Variants in KBTBD8 observed in about 807,000 individuals in gnomAD.
KBTBD8 encodes the protein kelch repeat and BTB domain containing 8.
In KBTBD8, 31 loss-of-function variants were observed where a neutral mutation model predicts 53.5. The observed-to-expected ratio is 0.58, with a 90% CI of 0.44 to 0.78. KBTBD8 has a LOEUF of 0.78. Ranked by LOEUF, KBTBD8 falls within the 30% of genes least tolerant of loss-of-function variation. The probability of loss-of-function intolerance (pLI) is 0.00; values close to 1 mark genes in which losing one functional copy is unlikely to be tolerated. For synonymous variants in KBTBD8, 250 were observed against 247.3 expected (o/e 1.01, Z -0.10); for missense variants, 642 against 735.8 (o/e 0.87, Z 1.48).
chr3:67,000,453 C>A (rs1702007115), intron 2 of KBTBD8, among the ~76,000 whole-genome samples: 1 of 152,170 alleles, frequency 6.6e-6, no homozygotes, highest in African/African-American at 2.4e-5. Context: ...CTAGGCTAAG[C>A]TTACTTTACA....
intron 2 of KBTBD8, among the ~76,000 whole-genome samples, chr3:66,999,808 A>C (rs978294388): frequency 6.6e-6 from 1 of 152,242 alleles, no homozygotes; most frequent in Non-Finnish European, 1.5e-5. Context: ...AGCAAGAATG[A>C]ATATAGTTTC....
chr3:67,004,276 G>T lies in KBTBD8; in HGVS notation c.1309G>T (p.Val437Leu), dbSNP rs1176459907. ...MPVAMEFHNA[V>L]EYKEKIYVLQ... Reference sequence around the variant, plus strand: ...AGTTGCAATGGAATTTCATAATGCTGTGGAGTACAAAGAGAAGATCTATGT... The same window carrying T: ...AGTTGCAATGGAATTTCATAATGCTTTGGAGTACAAAGAGAAGATCTATGT... The change falls in exon 3 of 4, where the codon GTG (valine) becomes TTG (leucine). Residue 437 changes from valine (V) to leucine (L), a missense_variant. Transcript: ENST00000417314. The T allele has an allele frequency of 6.2e-7, 1 of 1,614,158 alleles. No homozygotes were observed. The highest frequency in any genetic ancestry group is 1.7e-5 in the Admixed American group (1 of 60,038).
chr3:67,007,478 C>G (rs1244546102), intron 3 of KBTBD8, among the ~76,000 whole-genome samples: 1 of 152,036 alleles, frequency 6.6e-6, no homozygotes, highest in Non-Finnish European at 1.5e-5. Flanking sequence ...GCCACCACAC[C>G]TGGCTAATTT....
intron 2 of KBTBD8, 111 bp downstream of exon 2, chr3:66,999,302 A>C (rs1213858889): frequency 3.4e-6 from 3 of 883,938 alleles, no homozygotes; most frequent in Non-Finnish European, 5.5e-6. Context: ...GAAACCAATG[A>C]CTTTGTTTCT....
intron 2 of KBTBD8, among the ~76,000 whole-genome samples, chr3:67,002,506 G>A (rs1213650054): frequency 7.3e-6 from 1 of 137,268 alleles, no homozygotes; most frequent in African/African-American, 2.7e-5. Context: ...TACCTTTATA[G>A]GTATTCTTTT....
At chr3:67,004,449 T>C in intron 3 of KBTBD8, 140 bp downstream of exon 3, 1 of 776,398 alleles carries the variant, frequency 1.3e-6, no homozygotes. Context: ...AACAGTCTGT[T>C]CTGTAAAGAG....
intron 1 of KBTBD8, among the ~76,000 whole-genome samples, chr3:66,998,692 G>GAC (rs1329641810): frequency 1.3e-5 from 2 of 152,172 alleles, no homozygotes; most frequent in Non-Finnish European, 2.9e-5. Context: ...AGTCCGCGCA[G>GAC]ACGCCTCTCC....
rs745851454 is a variant in KBTBD8 at position 67,008,436 on chromosome 3, G to GTCTT, written c.*53_*56dup. 9 of 1,283,602 alleles carry GTCTT rather than the reference G, an allele frequency of 7.0e-6. No homozygotes were observed. The highest frequency in any genetic ancestry group is 9.8e-6 in the Non-Finnish European group (9 of 917,586). 79.5% of individuals were successfully genotyped at this position (1,283,602 alleles called of 1,614,324 possible). A position where few individuals can be genotyped will look rare whatever the true frequency, so the allele number is the denominator to read the frequency against. Reference sequence around the variant, plus strand: ...CTGGCATCTCATTCTTAGGAAACTTGTCTTTGATACAAAAGAGTGCTGACA... The same window carrying GTCTT: ...CTGGCATCTCATTCTTAGGAAACTTGTCTTTCTTTGATACAAAAGAGTGCTGACA... On this transcript the variant is annotated 3_prime_UTR_variant, in exon 4 of 4. Transcript: ENST00000417314.
rs749137150 is a variant in KBTBD8, at chr3:66,999,038, A to G, written c.74A>G (p.Asp25Gly). Reference protein sequence around the residue: ...NGIPSSDPASDAMDPFHACSI... With the variant: ...NGIPSSDPASGAMDPFHACSI... ...ATTCCATCTTCAGACCCAGCCAGCG[A>G]TGCCATGGACCCCTTCCATGCTTGC... The change falls in exon 2 of 4, where the codon GAT becomes GGT. Residue 25 changes from aspartate (D) to glycine (G), a missense_variant. Physicochemically the swap from Asp to Gly is moderately conservative, Grantham distance 94 (BLOSUM62 -1). Transcript: ENST00000417314. The G allele has an allele frequency of 1.9e-6, 3 of 1,614,060 alleles. No homozygotes were observed. The highest frequency in any genetic ancestry group is 2.5e-6 in the Non-Finnish European group (3 of 1,180,016).
At chr3:66,998,680 G>A (rs1168771975) in intron 1 of KBTBD8, among the ~76,000 whole-genome samples, 1 of 152,102 alleles carries the variant, frequency 6.6e-6, no homozygotes, top group Non-Finnish European at 1.5e-5. Flanking sequence ...GGCTCTCGGC[G>A]GAGTCCGCGC....
rs769902435 is a variant in KBTBD8 at position 67,003,958 on chromosome 3, G to A, written c.991G>A (p.Val331Ile). 4 of 1,614,106 alleles carry A rather than the reference G, an allele frequency of 2.5e-6. No individual in the cohort carries two copies. Among genetic ancestry groups the A allele is most frequent in the Non-Finnish European group, 3.4e-6 (4 of 1,180,018 alleles). Residue 331 changes from valine to isoleucine, a missense_variant, in exon 3 of 4, where the codon GTA becomes ATA. Transcript: ENST00000417314. ...PNDLREVGIL[V>I]SPDNDIYIAG... ...TGACCTGAGAGAAGTTGGGATTCTT[G>A]TATCACCAGATAATGACATTTACAT...
chr3:67,002,660 G>C (rs1280268709), intron 2 of KBTBD8, among the ~76,000 whole-genome samples: 1 of 151,584 alleles, frequency 6.6e-6, no homozygotes. Flanking sequence ...GTGCCACCAC[G>C]CCCAGCTAAT....
At position 67,008,236 on chromosome 3, in the gene KBTBD8, A is replaced by C; in HGVS notation, c.1657A>C (p.Ser553Arg). The C allele has an allele frequency of 6.2e-7, 1 of 1,614,134 alleles. No homozygotes were observed. The highest frequency in any genetic ancestry group is 8.5e-7 in the Non-Finnish European group (1 of 1,180,026). ...TGTTGAAGAACACGTCTTCAGAACC[A>C]GCAGAAAAAATTCCCTTTACCAATA... ...VTVEEHVFRT[S>R]RKNSLYQYDD... is the part of the protein sequence containing the mutation. Residue 553 changes from serine to arginine, a missense_variant, in exon 4 of 4, where the codon AGC becomes CGC. By Grantham distance (110) the Ser-to-Arg change is moderately radical. Transcript: ENST00000417314.
chr3:67,008,061 A>G lies in KBTBD8; in HGVS notation c.1482A>G (p.Gln494=), dbSNP rs951097655. 7 of 1,613,974 alleles carry G rather than the reference A, an allele frequency of 4.3e-6. No homozygotes were observed. Among genetic ancestry groups the G allele is most frequent in the Middle Eastern group, 1.6e-4 (1 of 6,082 alleles). Residue 494 remains glutamine (Q), a synonymous_variant, in exon 4 of 4, where the codon CAA becomes CAG. Transcript: ENST00000417314. ...TAGCTGGAACCTGTGGAAATCATCA[A>G]CGTATGTTTACTGTAGAAGCCTATG... ...YYIAGTCGNH[Q]RMFTVEAYDI... is the part of the protein sequence containing the mutation.
rs762259585 is a variant in KBTBD8, at chr3:67,003,343, G to T, written c.376G>T (p.Ala126Ser). The change falls in exon 3 of 4, where the codon GCA becomes TCA. Residue 126 changes from alanine to serine, a missense_variant. By Grantham distance (99) the Ala-to-Ser change is moderately conservative. Transcript: ENST00000417314. ...GGCCAATGTTCAAGCCTTGTTCACT[G>T]CAGCTAGCATCTTCCAGATTCCTTC... is the stretch of plus-strand genomic sequence containing the variant. The part of the protein sequence containing the change: ...TEANVQALFT[A>S]ASIFQIPSIQ... 3.1e-6 allele frequency: 5 copies of T among 1,614,184 alleles called. No individual in the cohort carries two copies. Among genetic ancestry groups the T allele is most frequent in the Non-Finnish European group, 2.5e-6 (3 of 1,180,034 alleles).
rs1323309165 is a variant in KBTBD8 at position 67,003,243 on chromosome 3, A to C, written c.276A>C (p.Arg92=). The change falls in exon 3 of 4, where the codon CGA becomes CGC. Residue 92 remains arginine (R), a synonymous_variant. Coordinates refer to ENST00000417314, the MANE Select transcript of KBTBD8 (RefSeq NM_032505.3). ...GLTESTQKEV[R]IVGVEAESMD... ...CAGAAAGTACTCAAAAAGAAGTTCG[A>C]ATAGTTGGTGTTGAAGCTGAATCGA... 1.4e-5 allele frequency: 22 copies of C among 1,614,020 alleles called. No homozygotes were observed. Among genetic ancestry groups the C allele is most frequent in the Non-Finnish European group, 1.9e-5 (22 of 1,179,978 alleles).
chr3:67,002,203 T>C (rs1702023602), intron 2 of KBTBD8, among the ~76,000 whole-genome samples: 1 of 152,210 alleles, frequency 6.6e-6, no homozygotes, highest in African/African-American at 2.4e-5. Flanking sequence ...TTTAGGTAGG[T>C]AAAATATGGT....
chr3:67,005,896 G>A (rs1217250970), intron 3 of KBTBD8, among the ~76,000 whole-genome samples: 3 of 151,982 alleles, frequency 2.0e-5, no homozygotes, highest in Admixed American at 1.3e-4. Context: ...GACCTGCAGT[G>A]ATCCACCCAC....
Position 67,008,033 on chromosome 3 carries a change from A to G in KBTBD8, c.1454A>G (p.Tyr485Cys), listed in dbSNP as rs912816486. 3 of 1,613,502 alleles carry G rather than the reference A, an allele frequency of 1.9e-6. No individual in the cohort carries two copies. Among genetic ancestry groups the G allele is most frequent in the African/African-American group, 2.7e-5 (2 of 74,838 alleles). ...GCTGTATACAAGGACTCTATCTACT[A>G]CATAGCTGGAACCTGTGGAAATCAT... Reference protein sequence around the residue: ...LAAVYKDSIYYIAGTCGNHQR... With the variant: ...LAAVYKDSIYCIAGTCGNHQR... The change falls in exon 4 of 4, where the codon TAC (tyrosine) becomes TGC (cysteine). Residue 485 changes from tyrosine to cysteine, a missense_variant. Coordinates refer to ENST00000417314, the MANE Select transcript of KBTBD8 (RefSeq NM_032505.3).
Sources: gnomAD v4.1 joint callset for allele counts (sites outside exome capture counted in the v4.1 genomes callset) on GRCh38, gnomAD v4.1.1 for gene constraint, MANE v1.5 for transcripts, NCBI Gene and HGNC (gene_info 2026-07-23, HGNC 2026-07-21) for gene names.